ATRIP: variants seen among roughly 807,000 people sequenced by gnomAD.
ATRIP encodes ATR interacting protein, also known as ATR-interacting protein.
Under a neutral mutation model 78.1 loss-of-function variants are expected in ATRIP, and 44 were observed. The ratio of observed to expected loss-of-function variants is 0.56; its 90% CI spans 0.44 to 0.72. The LOEUF is 0.72. Among genes scored for constraint, ATRIP ranks in the 30% least tolerant of loss-of-function variants. The pLI, the probability that ATRIP is intolerant of heterozygous loss-of-function variation, is 0.00. For synonymous variants in ATRIP, 388 were observed against 408.9 expected (o/e 0.95, Z 0.62); for missense variants, 927 against 980.2 (o/e 0.95, Z 0.72).
At chr3:48,454,612 A>G (rs1435715386) in intron 4 of ATRIP, among the ~76,000 whole-genome samples, 194 bp downstream of exon 4, 1 of 152,116 alleles carries the variant, frequency 6.6e-6, no homozygotes, top group Non-Finnish European at 1.5e-5. Flanking sequence ...AAAGGCCTAT[A>G]CTCTAGAAAT....
chr3:48,457,928 G>A (rs1477545486), intron 5 of ATRIP, among the ~76,000 whole-genome samples: 4 of 151,874 alleles, frequency 2.6e-5, no homozygotes, highest in Admixed American at 6.6e-5. Flanking sequence ...CAACGTGCAG[G>A]TGTGTTACGT....
chr3:48,465,119 T>C (rs1254540807), intron 12 of ATRIP, 36 bp downstream of exon 12: 4 of 1,582,468 alleles, frequency 2.5e-6, no homozygotes, highest in Admixed American at 3.4e-5. Context: ...CCAGCCCCCA[T>C]GGCTTCTTCC....
rs1236317568 is a variant in ATRIP at position 48,463,785 on chromosome 3, C to G, written c.1786C>G (p.Pro596Ala). The G allele has an allele frequency of 6.2e-7, 1 of 1,614,112 alleles. No individual in the cohort carries two copies. Among genetic ancestry groups the G allele is most frequent in the Non-Finnish European group, 8.5e-7 (1 of 1,180,022 alleles). The change falls in exon 9 of 13, where the codon CCA (proline) becomes GCA (alanine). Residue 596 changes from proline to alanine, a missense_variant. Coordinates refer to ENST00000320211, the MANE Select transcript of ATRIP (RefSeq NM_130384.3). ...VFQVLPKCLS[P>A]ETPLPSVLLA... ...CCAAGTGCTGCCAAAGTGCCTCAGC[C>G]CAGAGACACCCCTGCCTAGCGTGCT...
chr3:48,447,415 C>G, intron 1 of ATRIP: 1 of 1,050,516 alleles, frequency 9.5e-7, no homozygotes, highest in Non-Finnish European at 1.1e-6. Context: ...AGAACCATCA[C>G]TACCCATGCA....
chr3:48,459,085 C>T (rs1245908826), intron 5 of ATRIP, among the ~76,000 whole-genome samples: 1 of 152,218 alleles, frequency 6.6e-6, no homozygotes, highest in Non-Finnish European at 1.5e-5. Context: ...TAGCACGTAA[C>T]AAGCACCATG....
chr3:48,467,016 C>T lies in ATRIP; in HGVS notation c.*1462C>T, dbSNP rs2040345461. 1 of 1,613,844 alleles carries T rather than the reference C, an allele frequency of 6.2e-7. No individual in the cohort carries two copies. Among genetic ancestry groups the T allele is most frequent in the South Asian group, 1.1e-5 (1 of 91,094 alleles). ...GCGGCGCCAGCCACAGCCCTGGTGC[C>T]TGGTGGCACACAATGGTGACCGCTA... On this transcript the variant is annotated 3_prime_UTR_variant, in exon 13 of 13. Transcript: ENST00000320211.
chr3:48,466,832 A>G lies in ATRIP; in HGVS notation c.*1278A>G, dbSNP rs2040331259. The stretch of plus-strand genomic sequence containing the variant: ...AGGGGCCACCTCCCACAGTTCCTCC[A>G]CCACCGCGTGTGGTAGACAAGCTCT... On this transcript the variant is annotated 3_prime_UTR_variant, in exon 13 of 13. Transcript: ENST00000320211. The G allele has an allele frequency of 3.7e-6, 6 of 1,613,658 alleles. No individual in the cohort carries two copies. In the African/African-American group the frequency reaches 4.0e-5, roughly 11 times the overall value.
Position 48,446,787 on chromosome 3 carries a change from G to T in ATRIP, c.-59G>T. 6.6e-6 allele frequency: 9 copies of T among 1,354,878 alleles called. No homozygotes were observed. Among genetic ancestry groups the T allele is most frequent in the Non-Finnish European group, 8.6e-6 (9 of 1,051,678 alleles). 83.9% of individuals were successfully genotyped at this position (1,354,878 alleles called of 1,614,324 possible). On this transcript the variant is annotated 5_prime_UTR_variant, in exon 1 of 13. Coordinates refer to ENST00000320211, the MANE Select transcript of ATRIP (RefSeq NM_130384.3). ...GCGCGGACGGTTGGTCCAGTTCTCC[G>T]GCCTGGCGGCAGGCAAGTCTAGCTC...
chr3:48,449,959 A>AAT, intron 1 of ATRIP, 78 bp from the exon 2 acceptor site: 3 of 1,424,182 alleles, frequency 2.1e-6, no homozygotes, highest in Non-Finnish European at 2.9e-6. Flanking sequence ...AAAAAAAAAA[A>AAT]GTGGGTATTT....
chr3:48,458,078 C>CTT (rs1328630526), intron 5 of ATRIP, among the ~76,000 whole-genome samples: 7 of 133,846 alleles, frequency 5.2e-5, no homozygotes, highest in African/African-American at 1.1e-4. Context: ...ATTTGTGGGC[C>CTT]TTTTTTTTTT....
chr3:48,446,959 C>T lies in ATRIP; in HGVS notation c.114C>T (p.Ser38=), dbSNP rs2039691492. The change falls in exon 1 of 13, where the codon TCC becomes TCT. Residue 38 remains serine, a synonymous_variant. Transcript: ENST00000320211. The part of the protein sequence containing the change: ...HPPSKRARGF[S]AAAAPDPDDP... ...CGAGCAAGCGGGCCCGGGGCTTCTC[C>T]GCAGCCGCTGCCCCGGACCCTGACG... The T allele has an allele frequency of 1.9e-6, 3 of 1,542,004 alleles. No individual in the cohort carries two copies. Among genetic ancestry groups the T allele is most frequent in the East Asian group, 2.7e-5 (1 of 37,142 alleles).
Position 48,460,700 on chromosome 3 carries a change from C to T in ATRIP, c.1646C>T (p.Ser549Phe), listed in dbSNP as rs772779005. ...LKMLLHLLAF[S>F]SAATGHLQAS... The stretch of plus-strand genomic sequence containing the variant: ...ATGCTTCTTCACCTGTTGGCTTTCT[C>T]TTCTGCAGCAACAGGTCACCTTCAA... The change falls in exon 8 of 13, where the codon TCT (serine) becomes TTT (phenylalanine). Residue 549 changes from serine (S) to phenylalanine (F), a missense_variant. Coordinates refer to ENST00000320211, the MANE Select transcript of ATRIP (RefSeq NM_130384.3). The T allele has an allele frequency of 1.2e-6, 2 of 1,614,098 alleles. No individual in the cohort carries two copies. Among genetic ancestry groups the T allele is most frequent in the East Asian group, 2.2e-5 (1 of 44,886 alleles).
At position 48,459,832 on chromosome 3, in the gene ATRIP, G is replaced by A; in HGVS notation, c.971G>A (p.Gly324Glu). 1 of 1,613,722 alleles carries A rather than the reference G, an allele frequency of 6.2e-7. No individual in the cohort carries two copies. Among genetic ancestry groups the A allele is most frequent in the Non-Finnish European group, 8.5e-7 (1 of 1,179,870 alleles). Residue 324 changes from glycine to glutamate, a missense_variant, in exon 7 of 13, where the codon GGG becomes GAG. Coordinates refer to ENST00000320211, the MANE Select transcript of ATRIP (RefSeq NM_130384.3). ...NLLLKQPLIP[G>E]SSLSLCHLLS... ...CTCCTGAAGCAGCCTTTGATCCCAG[G>A]GTCATCCCTAAGCCTTTGCCACCTC...
Position 48,464,891 on chromosome 3 carries a change from G to A in ATRIP, c.2116G>A (p.Gly706Arg). The A allele has an allele frequency of 1.9e-6, 3 of 1,613,986 alleles. No individual in the cohort carries two copies. In the South Asian group the frequency reaches 3.3e-5, roughly 18 times the overall value. The change falls in exon 12 of 13, where the codon GGA (glycine) becomes AGA (arginine). Residue 706 changes from glycine to arginine, a missense_variant. By Grantham distance (125) the Gly-to-Arg change is moderately radical. Transcript: ENST00000320211. Reference sequence around the variant, plus strand: ...GTGGCTGACAGTGCGGAGGGCAGGGGGACCCCCAAGGACCGACCAGCAGAG... The same window carrying A: ...GTGGCTGACAGTGCGGAGGGCAGGGAGACCCCCAAGGACCGACCAGCAGAG... The part of the protein sequence containing the change: ...RQWLTVRRAG[G>R]PPRTDQQRRT...
Position 48,454,333 on chromosome 3 carries a change from G to A in ATRIP, c.586G>A (p.Asp196Asn). 1 of 1,613,496 alleles carries A rather than the reference G, an allele frequency of 6.2e-7. No homozygotes were observed. Residue 196 changes from aspartate (D) to asparagine (N), a missense_variant, in exon 4 of 13, where the codon GAT (aspartate) becomes AAT (asparagine). Physicochemically the swap from Asp to Asn is conservative, Grantham distance 23. Coordinates refer to ENST00000320211, the MANE Select transcript of ATRIP (RefSeq NM_130384.3). ...ATTGCAGTCTGAACTCCAGTTTAAA[G>A]ATGCAGAGATGAATGAATTAAGGAC... Reference protein sequence around the residue: ...QSLQSELQFKDAEMNELRTKL... With the variant: ...QSLQSELQFKNAEMNELRTKL...
At chr3:48,448,995 T>C (rs180886237) in intron 1 of ATRIP, among the ~76,000 whole-genome samples, 3 of 152,340 alleles carry the variant, frequency 2.0e-5, no homozygotes, top group South Asian at 2.1e-4. Context: ...TCAGTAACTA[T>C]TACTGAATAA....
Position 48,446,866 on chromosome 3 carries a change from AG to A in ATRIP, c.23del (p.Gly8AlafsTer64). 7.1e-7 allele frequency: 1 copy of A among 1,400,874 alleles called. No individual in the cohort carries two copies. 86.8% of individuals were successfully genotyped at this position (1,400,874 alleles called of 1,614,324 possible). A position where few individuals can be genotyped will look rare whatever the true frequency, so the allele number is the denominator to read the frequency against. On this transcript the variant is annotated frameshift_variant, in exon 1 of 13. Coordinates refer to ENST00000320211, the MANE Select transcript of ATRIP (RefSeq NM_130384.3). LOFTEE classifies it high-confidence loss of function. MAGTSAP[G>X]SKRRSEPPAP... ...AAAGCATGGCGGGGACCTCCGCGCC[AG>A]GCAGCAAGAGGCGGAGCGAGCCCCC...
intron 5 of ATRIP, among the ~76,000 whole-genome samples, chr3:48,458,912 T>C (rs1003812169): frequency 2.6e-5 from 4 of 152,206 alleles, no homozygotes; most frequent in Non-Finnish European, 5.9e-5. Context: ...GTAGCCTGGA[T>C]GTGAGTCCCA....
At position 48,463,787 on chromosome 3, in the gene ATRIP, A is replaced by T; in HGVS notation, c.1788A>T (p.Pro596=). 2 of 1,614,174 alleles carry T rather than the reference A, an allele frequency of 1.2e-6. No homozygotes were observed. Among genetic ancestry groups the T allele is most frequent in the Non-Finnish European group, 1.7e-6 (2 of 1,180,014 alleles). ...AAGTGCTGCCAAAGTGCCTCAGCCC[A>T]GAGACACCCCTGCCTAGCGTGCTGC... ...VFQVLPKCLS[P]ETPLPSVLLA... is the part of the protein sequence containing the mutation. Residue 596 remains proline (P), a synonymous_variant, in exon 9 of 13, where the codon CCA becomes CCT. Transcript: ENST00000320211.
Sources: allele counts gnomAD v4.1 joint callset (sites outside exome capture counted in the v4.1 genomes callset), GRCh38; gene constraint gnomAD v4.1.1; transcripts MANE v1.5; gene names NCBI Gene and HGNC (gene_info 2026-07-23, HGNC 2026-07-21).